Variants in AFF1 observed in about 807,000 individuals in gnomAD.
AFF1 encodes the protein AF4/FMR2 family member 1.
Under a neutral mutation model 121.7 loss-of-function variants are expected in AFF1, and 48 were observed. The ratio of observed to expected loss-of-function variants is 0.39; its 90% CI spans 0.31 to 0.50. The LOEUF (loss-of-function observed/expected upper bound fraction) is 0.50. Ranked by LOEUF, AFF1 falls within the 20% of genes least tolerant of loss-of-function variation. The pLI, the probability that AFF1 is intolerant of heterozygous loss-of-function variation, is 0.76. For missense variants in AFF1, 1,523 were observed against 1,511.7 expected (o/e 1.01, Z -0.12); for synonymous variants, 613 against 563.0 (o/e 1.09, Z -1.26).
rs1725819156 is a variant in AFF1 at position 87,105,487 on chromosome 4, A to T, written c.1284-141A>T. On this transcript the variant is annotated intron_variant, in intron 8 of 20. Transcript: ENST00000395146. ...ATTGTAAAACTTAACATTTTCAGGA[A>T]GTCACAGCCTTTAATAAATAAAGAA... 3.8e-6 allele frequency: 3 copies of T among 790,782 alleles called. No individual in the cohort carries two copies. The East Asian group carries it at 7.9e-5, about 21-fold the overall frequency. 49.0% of individuals were successfully genotyped at this position (790,782 alleles called of 1,614,324 possible).
At chr4:86,988,659 A>G (rs1483907073) in intron 2 of AFF1, among the ~76,000 whole-genome samples, 1 of 152,226 alleles carries the variant, frequency 6.6e-6, no homozygotes, top group East Asian at 1.9e-4. Flanking sequence ...TCAAGCTACC[A>G]TCAGCTTTCT....
At chr4:86,936,610 C>T (rs149298648) in intron 1 of AFF1, 9 of 152,278 alleles carry the variant, frequency 5.9e-5, no homozygotes, top group African/African-American at 1.7e-4. Context: ...AATACCTAGG[C>T]ATGGCCCTGT....
chr4:87,084,917 T>G (rs1185158676), intron 5 of AFF1, among the ~76,000 whole-genome samples: 1 of 152,234 alleles, frequency 6.6e-6, no homozygotes, highest in Non-Finnish European at 1.5e-5. Flanking sequence ...TTATACCTCT[T>G]GGCGTTCTGT....
At chr4:86,943,210 G>A (rs957435625) in intron 1 of AFF1, among the ~76,000 whole-genome samples, 4 of 152,188 alleles carry the variant, frequency 2.6e-5, no homozygotes, top group Non-Finnish European at 4.4e-5. Context: ...TGGGGAAATT[G>A]TATTCCTTTA....
At chr4:87,022,543 G>GATATATATATATAT (rs1156817444) in intron 2 of AFF1, among the ~76,000 whole-genome samples, 12 of 80,186 alleles carry the variant, frequency 1.5e-4, no homozygotes, top group African/African-American at 2.9e-4. Context: ...CGTGCTTACA[G>GATATATATATATAT]ATATATATAT....
intron 2 of AFF1, among the ~76,000 whole-genome samples, chr4:87,001,248 C>T (rs958535504): frequency 2.6e-5 from 3 of 115,598 alleles, no homozygotes; most frequent in East Asian, 2.8e-4. Context: ...GACGGCGTCT[C>T]GCTCTGTCAC....
intron 2 of AFF1, among the ~76,000 whole-genome samples, chr4:87,033,084 A>G (rs1729222587): frequency 6.6e-6 from 1 of 152,224 alleles, no homozygotes; most frequent in South Asian, 2.1e-4. Flanking sequence ...CAGAAGTTGG[A>G]GGCTGCAGCG....
At chr4:86,986,622 CAAAT>C (rs1724298388) in intron 2 of AFF1, among the ~76,000 whole-genome samples, 1 of 151,570 alleles carries the variant, frequency 6.6e-6, no homozygotes, top group African/African-American at 2.4e-5. Flanking sequence ...TTTCCCCCAA[CAAAT>C]AAATCTCATA....
intron 4 of AFF1, among the ~76,000 whole-genome samples, chr4:87,081,111 ATCC>A (rs1296780983): frequency 1.3e-5 from 2 of 150,826 alleles, no homozygotes; most frequent in East Asian, 1.9e-4. Context: ...TATGTGGGAA[ATCC>A]TCCTACTGGC....
intron 2 of AFF1, among the ~76,000 whole-genome samples, chr4:86,994,533 G>C (rs1314736287): frequency 6.6e-6 from 1 of 152,232 alleles, no homozygotes; most frequent in Non-Finnish European, 1.5e-5. Context: ...AACTGTAGCA[G>C]AGTTCTTCAC....
rs772322293 is a variant in AFF1, at chr4:87,131,193, C to T, written c.3075C>T (p.Val1025=). 3.1e-6 allele frequency: 5 copies of T among 1,614,120 alleles called. No individual in the cohort carries two copies. The highest frequency in any genetic ancestry group is 1.3e-5 in the African/African-American group (1 of 74,946). The stretch of plus-strand genomic sequence containing the variant: ...AGTCATCCAAGTCAGCTTACTCTGT[C>T]TACTCAGAAACTGTAGATCTCATTA... ...ESQSSKSAYS[V]YSETVDLIKF... The change falls in exon 17 of 21, where the codon GTC becomes GTT. Residue 1025 remains valine, a synonymous_variant. Transcript: ENST00000395146.
intron 4 of AFF1, among the ~76,000 whole-genome samples, chr4:87,059,034 T>A (rs1720452841): frequency 6.6e-6 from 1 of 152,204 alleles, no homozygotes; most frequent in African/African-American, 2.4e-5. Context: ...TGCCTTAATC[T>A]CCTTTGGAGG....
chr4:86,950,761 C>A (rs1721247659), intron 2 of AFF1, among the ~76,000 whole-genome samples: 1 of 152,198 alleles, frequency 6.6e-6, no homozygotes, highest in Non-Finnish European at 1.5e-5. Context: ...TGCTGCAGTT[C>A]ACATTCTGCT....
At chr4:87,120,165 C>T (rs147504603) in intron 12 of AFF1, among the ~76,000 whole-genome samples, 1 of 152,184 alleles carries the variant, frequency 6.6e-6, no homozygotes, top group Admixed American at 6.5e-5. Flanking sequence ...ATGAATTTCC[C>T]TTTTCTGTAG....
chr4:87,105,698 C>T lies in AFF1; in HGVS notation c.1338+16C>T, dbSNP rs1725844699. ...CAGTGAACAAGTAAGTGTTGCACAG[C>T]CTGTAATACCAGGAGTCCTTTTAAA... On this transcript the variant is annotated intron_variant, in intron 9 of 20. Transcript: ENST00000395146. The T allele has an allele frequency of 6.2e-7, 1 of 1,614,072 alleles. No homozygotes were observed. Among genetic ancestry groups the T allele is most frequent in the Non-Finnish European group, 8.5e-7 (1 of 1,179,980 alleles).
intron 2 of AFF1, among the ~76,000 whole-genome samples, chr4:86,955,008 CAT>C (rs1279850704): frequency 6.6e-6 from 1 of 152,158 alleles, no homozygotes; most frequent in African/African-American, 2.4e-5. Flanking sequence ...ATCAACTTCT[CAT>C]AGTCTAAGAT....
At chr4:87,094,285 G>C (rs1724605594) in intron 7 of AFF1, among the ~76,000 whole-genome samples, 1 of 152,070 alleles carries the variant, frequency 6.6e-6, no homozygotes, top group African/African-American at 2.4e-5. Flanking sequence ...GATTTCCCAG[G>C]GCAGTTAATT....
chr4:87,072,440 A>G (rs1348879894), intron 4 of AFF1, among the ~76,000 whole-genome samples: 7 of 151,656 alleles, frequency 4.6e-5, no homozygotes, highest in Non-Finnish European at 7.4e-5. Flanking sequence ...TCTCCTTGGC[A>G]CTTATTAAAT....
chr4:87,105,402 A>G (rs1725810502), intron 8 of AFF1, among the ~76,000 whole-genome samples: 1 of 152,172 alleles, frequency 6.6e-6, no homozygotes, highest in African/African-American at 2.4e-5. Context: ...GCTTGCACTT[A>G]ACTGGTTTCT....
Sources: gnomAD v4.1 joint callset for allele counts (sites outside exome capture counted in the v4.1 genomes callset) on GRCh38, gnomAD v4.1.1 for gene constraint, MANE v1.5 for transcripts, NCBI Gene and HGNC (gene_info 2026-07-23, HGNC 2026-07-21) for gene names.